Variants in CACNA1C observed in about 807,000 individuals in gnomAD.
The protein encoded by CACNA1C is calcium voltage-gated channel subunit alpha1 C.
A neutral mutation model predicts 229.0 loss-of-function variants in CACNA1C; 30 were observed. The ratio of observed to expected loss-of-function variants is 0.13; its 90% CI spans 0.10 to 0.18. CACNA1C has a LOEUF of 0.18. Ranked by LOEUF, CACNA1C falls within the 10% of genes least tolerant of loss-of-function variation. The pLI, the probability that CACNA1C is intolerant of heterozygous loss-of-function variation, is 1.00. For synonymous variants in CACNA1C, 1,114 were observed against 1,132.5 expected (o/e 0.98, Z 0.33); for missense variants, 1,658 against 2,845.0 (o/e 0.58, Z 9.49).
Position 2,627,868 on chromosome 12 carries a change from C to G in CACNA1C, c.3829-6429C>G, listed in dbSNP as rs548031378. ...CCCTCCAGCCAGCACGCTCCGTGACCCATGTGTCCTAGGAGGGGAAACCAC... is the reference window on the plus strand; with the variant it reads ...CCCTCCAGCCAGCACGCTCCGTGACGCATGTGTCCTAGGAGGGGAAACCAC... On this transcript the variant is annotated intron_variant, in intron 29 of 46. Coordinates refer to ENST00000399655, the MANE Select transcript of CACNA1C (RefSeq NM_000719.7). Among the ~76,000 whole-genome samples the G allele has an allele frequency of 1.7e-3, 258 of 152,276 alleles. 6 individuals carry two copies. Among genetic ancestry groups the G allele is most frequent in the East Asian group, 5.8e-4 (3 of 5,184 alleles).
intron 10 of CACNA1C, among the ~76,000 whole-genome samples, chr12:2,556,221 C>T (rs79519709): frequency 1.3e-5 from 2 of 152,136 alleles, no homozygotes; most frequent in Non-Finnish European, 2.9e-5. Context: ...CCTCCTGCCT[C>T]CCCTGGACTC....
chr12:2,222,089 ATTATT>A (rs1238059031), intron 3 of CACNA1C: 1 of 152,228 alleles, frequency 6.6e-6, no homozygotes, highest in African/African-American at 2.4e-5. Context: ...AAAATTACAA[ATTATT>A]TTATTTCATT....
At chr12:2,235,287 G>T (rs2066909125) in intron 3 of CACNA1C, among the ~76,000 whole-genome samples, 1 of 152,112 alleles carries the variant, frequency 6.6e-6, no homozygotes, top group Non-Finnish European at 1.5e-5. Flanking sequence ...CAGTTGCTCT[G>T]CAATGACAAG....
intron 1 of CACNA1C, among the ~76,000 whole-genome samples, chr12:2,042,720 C>T (rs1018643592): frequency 2.0e-5 from 3 of 152,120 alleles, no homozygotes; most frequent in African/African-American, 7.2e-5. Context: ...CAGGTGGGCT[C>T]CAGGCTCTGC....
intron 1 of CACNA1C, among the ~76,000 whole-genome samples, chr12:2,020,948 G>T (rs950497795): frequency 1.3e-5 from 2 of 152,094 alleles, no homozygotes; most frequent in African/African-American, 4.8e-5. Flanking sequence ...CTGCTCAGTG[G>T]CCAGGAACTG....
At chr12:2,661,195 G>A (rs1166917914) in intron 34 of CACNA1C, among the ~76,000 whole-genome samples, 1 of 151,874 alleles carries the variant, frequency 6.6e-6, no homozygotes, top group Non-Finnish European at 1.5e-5. Context: ...CCAGGAGTTT[G>A]AGGTTACAGT....
chr12:2,053,187 C>G lies in CACNA1C; in HGVS notation c.-376C>G. 1 of 998,792 alleles carries G rather than the reference C, an allele frequency of 1.0e-6. No homozygotes were observed. Among genetic ancestry groups the G allele is most frequent in the Non-Finnish European group, 1.2e-6 (1 of 839,074 alleles). The allele number at this position is 998,792 out of a possible 1,614,324, so 61.9% of individuals were successfully genotyped here. The stretch of plus-strand genomic sequence containing the variant: ...AGAGGCGCCTCGGCCCCTGCCGGCC[C>G]AGGCGGGCCCCGCGCGCCCCCCGCC... On this transcript the variant is annotated 5_prime_UTR_variant, in exon 1 of 47. Transcript: ENST00000399655. The surrounding 1 kb of genome is among the most constrained non-coding windows in gnomAD (Gnocchi z 5.8).
At position 2,655,540 on chromosome 12, in the gene CACNA1C, C is replaced by T. The variant is rs114742504; in HGVS notation, c.4232+302C>T. ...CTGAACAGGCCCAAAGCCAACCTGC[C>T]GACACGCTTTGTGACCTTGAGTGAG... On this transcript the variant is annotated intron_variant, in intron 34 of 46. Coordinates refer to ENST00000399655, the MANE Select transcript of CACNA1C (RefSeq NM_000719.7). 6.1e-3 allele frequency among the ~76,000 whole-genome samples: 925 copies of T among 152,304 alleles called. 5 individuals carry two copies. The highest frequency in any genetic ancestry group is 0.021 in the African/African-American group (862 of 41,554).
chr12:2,271,422 G>C (rs900069759), intron 3 of CACNA1C, among the ~76,000 whole-genome samples: 1 of 152,184 alleles, frequency 6.6e-6, no homozygotes, highest in African/African-American at 2.4e-5. Flanking sequence ...GGTATTCTGA[G>C]TACCTCCAAA....
In CACNA1C at chr12:1,985,581, A is replaced by G. The variant is rs76391313; in HGVS notation, c.139+14380A>G. 9.0e-3 allele frequency among the ~76,000 whole-genome samples: 1,372 copies of G among 152,308 alleles called. 25 individuals are homozygous for G. Among genetic ancestry groups the G allele is most frequent in the African/African-American group, 0.031 (1,303 of 41,556 alleles). ...ATCTTATAATTCTAACATCCAGATC[A>G]TCTCAGGGTGGCTACTGATTTTTTC... is the stretch of plus-strand genomic sequence containing the variant. On this transcript the variant is annotated intron_variant, in intron 1 of 46. Transcript: ENST00000682462.
At chr12:2,580,449 T>G (rs2060091609) in intron 13 of CACNA1C, among the ~76,000 whole-genome samples, 1 of 152,140 alleles carries the variant, frequency 6.6e-6, no homozygotes, top group Admixed American at 6.5e-5. Context: ...TCTGGATTGG[T>G]GATGAGCTGG....
chr12:2,362,159 T>C (rs1486169076), intron 3 of CACNA1C, among the ~76,000 whole-genome samples: 1 of 152,164 alleles, frequency 6.6e-6, no homozygotes, highest in East Asian at 1.9e-4. Context: ...GACACTGTGC[T>C]ATGCGCTGGG....
chr12:2,112,580 GGCCT>G (rs1254602878), intron 1 of CACNA1C, among the ~76,000 whole-genome samples: 2 of 152,282 alleles, frequency 1.3e-5, no homozygotes, highest in East Asian at 1.9e-4. Context: ...CAATTTTCCA[GGCCT>G]TGAGGAGTGG....
chr12:2,007,990 GA>G (rs757428316), intron 1 of CACNA1C, among the ~76,000 whole-genome samples: 8 of 152,122 alleles, frequency 5.3e-5, no homozygotes, highest in Admixed American at 2.6e-4. Flanking sequence ...TAATAAAAGA[GA>G]ATTGTTATAG....
rs1370303978 is a variant in CACNA1C at position 2,548,086 on chromosome 12, G to C, written c.1391-1857G>C. Among the ~76,000 whole-genome samples the C allele has an allele frequency of 2.3e-5, 3 of 132,698 alleles. No homozygotes were observed. The South Asian group carries it at 8.6e-4, about 38-fold the overall frequency. The allele number at this position is 132,698 out of a possible 152,430, so 87.1% of individuals were successfully genotyped here. ...AAAATAAAAAATAAAAAAAACCTTTGGGCTGAGATGGCTGGAGATAGATGG... is the reference window on the plus strand; with the variant it reads ...AAAATAAAAAATAAAAAAAACCTTTCGGCTGAGATGGCTGGAGATAGATGG... On this transcript the variant is annotated intron_variant, in intron 9 of 46. Transcript: ENST00000399655.
At chr12:2,317,637 T>A (rs1349683133) in intron 3 of CACNA1C, among the ~76,000 whole-genome samples, 1 of 152,170 alleles carries the variant, frequency 6.6e-6, no homozygotes, top group African/African-American at 2.4e-5. Context: ...GATGGCAAAT[T>A]TTAATGTATT....
intron 3 of CACNA1C, among the ~76,000 whole-genome samples, chr12:2,430,299 A>C (rs2099070027): frequency 6.6e-6 from 1 of 152,140 alleles, no homozygotes. Flanking sequence ...CAGTGATCTT[A>C]ACTTTCCACA....
At chr12:2,361,595 A>G (rs1815759021) in intron 3 of CACNA1C, among the ~76,000 whole-genome samples, 1 of 152,134 alleles carries the variant, frequency 6.6e-6, no homozygotes. Flanking sequence ...ATGGAAGCCA[A>G]GCATTGAGGA....
Position 2,653,239 on chromosome 12 carries a change from GTATTAT to G in CACNA1C, c.4075-591_4075-586del, listed in dbSNP as rs1436230926. 2.6e-5 allele frequency among the ~76,000 whole-genome samples: 4 copies of G among 152,200 alleles called. No individual in the cohort carries two copies. The highest frequency in any genetic ancestry group is 7.2e-5 in the African/African-American group (3 of 41,440). On this transcript the variant is annotated intron_variant, in intron 32 of 46. Transcript: ENST00000399655. This position sits in a 1 kb window ranked among gnomAD's most constrained non-coding sequence, Gnocchi z 4.7. ...TTTTCAACCACAAAACCGCTGAGAG[GTATTAT>G]TATTGTTTCCATTTTTCTGATGAGG...
Sources: gnomAD v4.1 joint callset for allele counts (sites outside exome capture counted in the v4.1 genomes callset) on GRCh38, gnomAD v4.1.1 for gene constraint, Gnocchi (gnomAD v3.1) non-coding constraint, MANE v1.5 for transcripts, NCBI Gene and HGNC (gene_info 2026-07-23, HGNC 2026-07-21) for gene names.